The following CNTN1 variants were observed in gnomAD, a reference collection of about 807,000 sequenced individuals.
CNTN1 encodes contactin 1.
A neutral mutation model predicts 126.4 loss-of-function variants in CNTN1; 38 were observed. The observed-to-expected ratio is 0.30, with a 90% CI of 0.23 to 0.39. The LOEUF (loss-of-function observed/expected upper bound fraction) is 0.39, where lower values mean the gene tolerates loss of function less well. Among genes scored for constraint, CNTN1 ranks in the 10% least tolerant of loss-of-function variants. The probability of loss-of-function intolerance (pLI) is 1.00; values close to 1 mark genes in which losing one functional copy is unlikely to be tolerated. For synonymous variants in CNTN1, 413 were observed against 422.6 expected (o/e 0.98, Z 0.28); for missense variants, 1,009 against 1,248.4 (o/e 0.81, Z 2.89).
At chr12:40,822,714 A>T (rs1941491239) in intron 1 of CNTN1, among the ~76,000 whole-genome samples, 2 of 152,200 alleles carry the variant, frequency 1.3e-5, no homozygotes, top group Non-Finnish European at 2.9e-5. Flanking sequence ...CTTTAAAAAA[A>T]ATCTATAGAA....
chr12:40,929,364 A>G (rs1019230200), intron 6 of CNTN1, among the ~76,000 whole-genome samples: 1 of 151,670 alleles, frequency 6.6e-6, no homozygotes, highest in Non-Finnish European at 1.5e-5. Flanking sequence ...AAAAAAAAAA[A>G]GATAAAGCAA....
At chr12:40,944,234 T>A in intron 14 of CNTN1, 64 bp downstream of exon 14, 1 of 1,411,708 alleles carries the variant, frequency 7.1e-7, no homozygotes, top group South Asian at 1.2e-5. Context: ...CATTGAAAGT[T>A]CTATTACTAT....
chr12:40,714,144 T>A (rs576064935), intron 1 of CNTN1, among the ~76,000 whole-genome samples: 1 of 152,274 alleles, frequency 6.6e-6, no homozygotes, highest in South Asian at 2.1e-4. Flanking sequence ...TGACTTAGCA[T>A]CTTGTCTGTT....
At chr12:40,961,109 AAAG>A (rs1313141768) in intron 15 of CNTN1, among the ~76,000 whole-genome samples, 2 of 152,026 alleles carry the variant, frequency 1.3e-5, no homozygotes, top group East Asian at 1.9e-4. Flanking sequence ...GAATCAATAA[AAAG>A]AAGCTATAGC....
At chr12:40,697,972 TC>T (rs1185755587) in intron 1 of CNTN1, among the ~76,000 whole-genome samples, 14 of 152,230 alleles carry the variant, frequency 9.2e-5, no homozygotes, top group Admixed American at 2.0e-4. Flanking sequence ...GCCAGGATTA[TC>T]CAGATGGTCC....
intron 17 of CNTN1, among the ~76,000 whole-genome samples, chr12:41,009,970 A>G (rs1009703694): frequency 2.0e-5 from 3 of 152,182 alleles, no homozygotes; most frequent in African/African-American, 7.2e-5. Flanking sequence ...TGGCATGATT[A>G]AAAAAGCATG....
chr12:40,924,416 C>T (rs1399191582), intron 5 of CNTN1, 141 bp from the exon 6 acceptor site: 8 of 659,496 alleles, frequency 1.2e-5, no homozygotes, highest in Non-Finnish European at 2.0e-5. Context: ...GAACGAGGAG[C>T]TGACTTTACT....
rs889591215 is a variant in CNTN1, at chr12:40,888,962, C to T, written c.-76-19395C>T. 5.9e-5 allele frequency among the ~76,000 whole-genome samples: 9 copies of T among 152,354 alleles called. No individual in the cohort carries two copies. The South Asian group carries it at 1.2e-3, about 21-fold the overall frequency. Reference sequence around the variant, plus strand: ...TCCTGCCACTCGGTTCACTCCACAGCGTCTTGCCAGTGGGCGTTCAGGCCT... The same window carrying T: ...TCCTGCCACTCGGTTCACTCCACAGTGTCTTGCCAGTGGGCGTTCAGGCCT... On this transcript the variant is annotated intron_variant, in intron 1 of 23. Coordinates refer to ENST00000551295, the MANE Select transcript of CNTN1 (RefSeq NM_001843.4).
intron 17 of CNTN1, among the ~76,000 whole-genome samples, chr12:41,008,188 T>G (rs1187530573): frequency 6.6e-6 from 1 of 152,132 alleles, no homozygotes; most frequent in Non-Finnish European, 1.5e-5. Flanking sequence ...TATGGTTCTG[T>G]CTGCAGCACC....
intron 23 of CNTN1, among the ~76,000 whole-genome samples, chr12:41,065,723 C>T (rs1466598106): frequency 6.6e-6 from 1 of 152,190 alleles, no homozygotes; most frequent in Non-Finnish European, 1.5e-5. Flanking sequence ...AAGAGCAGAG[C>T]TGGGGCATCA....
intron 23 of CNTN1, among the ~76,000 whole-genome samples, chr12:41,043,405 T>C (rs1280504868): frequency 1.3e-5 from 2 of 152,094 alleles, no homozygotes; most frequent in African/African-American, 4.8e-5. Context: ...AAAATGCTCA[T>C]CATCACTGGC....
intron 16 of CNTN1, among the ~76,000 whole-genome samples, chr12:40,988,028 C>A (rs1369904448): frequency 6.6e-6 from 1 of 150,948 alleles, no homozygotes; most frequent in Non-Finnish European, 1.5e-5. Context: ...ATTCGTATTT[C>A]CCTTAGAGAA....
chr12:40,900,619 A>G (rs940854358), intron 1 of CNTN1, among the ~76,000 whole-genome samples: 31 of 152,256 alleles, frequency 2.0e-4, no homozygotes, highest in Non-Finnish European at 4.0e-4. Flanking sequence ...GAACAAATCA[A>G]GTGATATTAT....
rs146172731 is a variant in CNTN1 at position 40,874,485 on chromosome 12, G to T, written c.-76-33872G>T. 3.7e-4 allele frequency among the ~76,000 whole-genome samples: 56 copies of T among 152,136 alleles called. 1 individual carries two copies. In the East Asian group the frequency reaches 9.8e-3, roughly 27 times the overall value. On this transcript the variant is annotated intron_variant, in intron 1 of 23. Transcript: ENST00000551295. ...TTATAGATGTGTATATTATTTTACA[G>T]ATGTCTAAATTATAAAGCAATATAT...
intron 17 of CNTN1, among the ~76,000 whole-genome samples, chr12:41,012,820 A>T (rs928867953): frequency 2.0e-5 from 3 of 152,070 alleles, no homozygotes; most frequent in Non-Finnish European, 2.9e-5. Context: ...CTGCTCCTCT[A>T]CTCATTGTTT....
At chr12:40,992,844 C>A (rs1304448886) in intron 16 of CNTN1, among the ~76,000 whole-genome samples, 2 of 152,176 alleles carry the variant, frequency 1.3e-5, no homozygotes, top group African/African-American at 4.8e-5. Context: ...AGCACCAAGC[C>A]TGGAGGCTTG....
At chr12:41,017,731 A>G (rs576967328) in intron 19 of CNTN1, among the ~76,000 whole-genome samples, 1 of 152,264 alleles carries the variant, frequency 6.6e-6, no homozygotes, top group South Asian at 2.1e-4. Flanking sequence ...ATTGAGCATA[A>G]TTACATTATT....
intron 1 of CNTN1, among the ~76,000 whole-genome samples, chr12:40,700,002 G>C (rs980860469): frequency 2.4e-4 from 36 of 151,980 alleles, no homozygotes; most frequent in African/African-American, 7.7e-4. Flanking sequence ...ACCTATATAG[G>C]GTTTTTACTT....
At chr12:40,906,098 C>T (rs1592235433) in intron 1 of CNTN1, among the ~76,000 whole-genome samples, 1 of 152,012 alleles carries the variant, frequency 6.6e-6, no homozygotes, top group South Asian at 2.1e-4. Flanking sequence ...GGTGAAACCC[C>T]GTCTCTACTA....
Sources: allele counts gnomAD v4.1 joint callset (sites outside exome capture counted in the v4.1 genomes callset), GRCh38; gene constraint gnomAD v4.1.1; transcripts MANE v1.5; gene names NCBI Gene and HGNC (gene_info 2026-07-23, HGNC 2026-07-21).